Variants in PRCC observed in about 807,000 individuals in gnomAD.
PRCC encodes the protein proline-rich protein PRCC.
A neutral mutation model predicts 44.0 loss-of-function variants in PRCC; 10 were observed. That is an observed-to-expected ratio of 0.23 (90% confidence interval 0.14 to 0.39). The LOEUF (loss-of-function observed/expected upper bound fraction) is 0.39. Among genes scored for constraint, PRCC ranks in the 10% least tolerant of loss-of-function variants. PRCC has a pLI of 1.00. For missense variants in PRCC, 573 were observed against 624.7 expected, an observed-to-expected ratio of 0.92 and a Z score of 0.88; for synonymous variants, 278 against 259.5, an observed-to-expected ratio of 1.07 and a Z score of -0.69.
At chr1:156,770,352 A>G (rs760451864) in intron 1 of PRCC, among the ~76,000 whole-genome samples, 1 of 152,184 alleles carries the variant, frequency 6.6e-6, no homozygotes, top group Non-Finnish European at 1.5e-5. Flanking sequence ...AATGTTCAAG[A>G]TGGTCAGGTG....
At position 156,768,092 on chromosome 1, in the gene PRCC, A is replaced by G. The variant is rs980055203; in HGVS notation, c.321A>G (p.Gly107=). The G allele has an allele frequency of 6.3e-7, 1 of 1,582,620 alleles. No individual in the cohort carries two copies. The highest frequency in any genetic ancestry group is 1.1e-5 in the South Asian group (1 of 87,542). ...CTGAAGCGGCGGGAGTTGGGGAGGGACTGGGATTGGGGTTGCCCTCGCCCC... is the reference window on the plus strand; with the variant it reads ...CTGAAGCGGCGGGAGTTGGGGAGGGGCTGGGATTGGGGTTGCCCTCGCCCC... ...SPAEAAGVGE[G]LGLGLPSPRG... The change falls in exon 1 of 7, where the codon GGA becomes GGG. Residue 107 remains glycine, a synonymous_variant. Coordinates refer to ENST00000271526, the MANE Select transcript of PRCC (RefSeq NM_005973.5).
chr1:156,794,923 A>G lies in PRCC; in HGVS notation c.1323+115A>G, dbSNP rs554407161. ...GTTATTGTCACAGCACCTTTAGCAA[A>G]CACATTTTGCCCATGGTACTGGAGT... On this transcript the variant is annotated intron_variant, in intron 5 of 6. Transcript: ENST00000271526. 1,712 of 1,377,302 alleles carry G rather than the reference A, an allele frequency of 1.2e-3. 3 individuals carry two copies. The highest frequency in any genetic ancestry group is 1.2e-3 in the Non-Finnish European group (1,244 of 999,986). The allele number at this position is 1,377,302 out of a possible 1,614,324, so 85.3% of individuals were successfully genotyped here. A position where few individuals can be genotyped will look rare whatever the true frequency, so the allele number is the denominator to read the frequency against.
intron 2 of PRCC, among the ~76,000 whole-genome samples, chr1:156,784,825 T>C (rs1361131091): frequency 2.0e-5 from 3 of 152,358 alleles, no homozygotes; most frequent in African/African-American, 7.2e-5. Context: ...ACGGGCCTTT[T>C]AGCATAGAGA....
At chr1:156,787,495 ATATC>A (rs1370671689) in intron 3 of PRCC, among the ~76,000 whole-genome samples, 43 of 70,618 alleles carry the variant, frequency 6.1e-4, no homozygotes, top group African/African-American at 2.6e-3. Flanking sequence ...ATATATATAT[ATATC>A]TGTTTTTTTT....
chr1:156,782,173 C>A, intron 1 of PRCC, 109 bp from the exon 2 acceptor site: 1 of 950,900 alleles, frequency 1.1e-6, no homozygotes, highest in Non-Finnish European at 1.6e-6. Context: ...AGAGGTGGGG[C>A]ACAGACAAGA....
In PRCC at chr1:156,787,371, C is replaced by T. The variant is rs574559786; in HGVS notation, c.1083+197C>T. 1.5e-4 allele frequency among the ~76,000 whole-genome samples: 23 copies of T among 150,872 alleles called. No homozygotes were observed. In the East Asian group the frequency reaches 4.5e-3, roughly 29 times the overall value. On this transcript the variant is annotated intron_variant, in intron 3 of 6. Transcript: ENST00000271526. ...AAGTCTTAAAGTGTGACAGGGTGAA[C>T]CACATAAATGACATCTTTATTCTGA...
At chr1:156,797,044 G>C in intron 5 of PRCC, 1 of 508,672 alleles carries the variant, frequency 2.0e-6, no homozygotes. Flanking sequence ...GTCTAGTGGG[G>C]GATATTAGCA....
intron 2 of PRCC, among the ~76,000 whole-genome samples, chr1:156,785,095 G>A (rs1202782585): frequency 1.3e-5 from 2 of 152,066 alleles, no homozygotes; most frequent in Non-Finnish European, 2.9e-5. Flanking sequence ...ACATATTTTT[G>A]TAAAAAGCAG....
intron 1 of PRCC, among the ~76,000 whole-genome samples, chr1:156,779,122 AT>A (rs1651941851): frequency 1.0e-4 from 2 of 19,708 alleles, no homozygotes; most frequent in Non-Finnish European, 1.7e-4. Context: ...ATATATATAT[AT>A]ATATATTTTT....
chr1:156,791,884 C>G, intron 4 of PRCC, 92 bp downstream of exon 4: 1 of 1,141,236 alleles, frequency 8.8e-7, no homozygotes. Flanking sequence ...CACACACACA[C>G]AAAAGACAAA....
intron 3 of PRCC, chr1:156,791,106 A>C (rs763053223): frequency 7.1e-7 from 1 of 1,416,220 alleles, no homozygotes. Flanking sequence ...TCTAAGGGGA[A>C]TCATGAGATT....
At chr1:156,778,134 G>C (rs572743100) in intron 1 of PRCC, among the ~76,000 whole-genome samples, 2 of 152,074 alleles carry the variant, frequency 1.3e-5, no homozygotes, top group Admixed American at 1.3e-4. Context: ...CTGTGCAATA[G>C]ATCTCAAAAA....
At chr1:156,776,162 C>T (rs187561882) in intron 1 of PRCC, among the ~76,000 whole-genome samples, 22 of 152,268 alleles carry the variant, frequency 1.4e-4, no homozygotes, top group South Asian at 8.3e-4. Context: ...TTGAGATCAG[C>T]CTGCGCAACA....
chr1:156,775,901 C>T (rs940975793), intron 1 of PRCC, among the ~76,000 whole-genome samples: 6 of 152,196 alleles, frequency 3.9e-5, no homozygotes, highest in African/African-American at 1.4e-4. Flanking sequence ...CCCATCTGGG[C>T]CTCCCCAAAT....
intron 2 of PRCC, among the ~76,000 whole-genome samples, chr1:156,785,987 T>G (rs1652231827): frequency 6.6e-6 from 1 of 152,050 alleles, no homozygotes; most frequent in Non-Finnish European, 1.5e-5. Context: ...AATTTTTGTA[T>G]TTTTAATAGA....
At chr1:156,792,706 C>G (rs979905051) in intron 4 of PRCC, among the ~76,000 whole-genome samples, 3 of 152,152 alleles carry the variant, frequency 2.0e-5, no homozygotes, top group Non-Finnish European at 4.4e-5. Context: ...CAGCCCGTCT[C>G]AGCCTCCCAA....
chr1:156,774,186 T>C (rs1673643378), intron 1 of PRCC, among the ~76,000 whole-genome samples: 1 of 109,386 alleles, frequency 9.1e-6, no homozygotes, highest in Non-Finnish European at 1.8e-5. Context: ...TTTTTTTTTT[T>C]TTTTTTTGAG....
intron 3 of PRCC, among the ~76,000 whole-genome samples, chr1:156,787,437 C>A (rs1256654794): frequency 1.7e-5 from 2 of 115,008 alleles, no homozygotes; most frequent in Non-Finnish European, 3.6e-5. Flanking sequence ...AATATTTGTA[C>A]ATATTTGTGA....
chr1:156,777,055 G>T (rs1651851635), intron 1 of PRCC, among the ~76,000 whole-genome samples: 2 of 152,224 alleles, frequency 1.3e-5, no homozygotes, highest in South Asian at 4.1e-4. Flanking sequence ...TTCACTGGCA[G>T]TAGCTCCTGT....
Sources: gnomAD v4.1 joint callset for allele counts (sites outside exome capture counted in the v4.1 genomes callset) on GRCh38, gnomAD v4.1.1 for gene constraint, MANE v1.5 for transcripts, NCBI Gene and HGNC (gene_info 2026-07-23, HGNC 2026-07-21) for gene names.